Variants in FSTL4 observed in about 807,000 individuals in gnomAD.
The protein encoded by FSTL4 is follistatin-related protein 4.
A neutral mutation model predicts 78.2 loss-of-function variants in FSTL4; 28 were observed. The observed-to-expected ratio is 0.36, with a 90% CI of 0.27 to 0.49. The LOEUF is 0.49. Among genes scored for constraint, FSTL4 ranks in the 20% least tolerant of loss-of-function variants. The pLI is 0.98. For missense variants in FSTL4, 922 were observed against 1,084.9 expected (o/e 0.85, Z 2.11); for synonymous variants, 422 against 440.5 (o/e 0.96, Z 0.53).
intron 3 of FSTL4, among the ~76,000 whole-genome samples, chr5:133,494,761 A>G (rs1408446930): frequency 6.6e-6 from 1 of 152,234 alleles, no homozygotes. Context: ...ATTTAACAGA[A>G]GAGGGCCTGT....
At chr5:133,716,980 T>C in the FSTL4 span, among the ~76,000 whole-genome samples, 1 of 152,240 alleles carries the variant, frequency 6.6e-6, no homozygotes. Context: ...AAATCCCTTA[T>C]CTGGTTCCTA....
chr5:133,708,248 C>T, the FSTL4 span, among the ~76,000 whole-genome samples: 6 of 152,178 alleles, frequency 3.9e-5, no homozygotes, highest in African/African-American at 1.4e-4. Flanking sequence ...CGTCCAGTTG[C>T]CTCCTTCTCT....
chr5:133,215,548 A>G (rs1338801946), intron 13 of FSTL4, among the ~76,000 whole-genome samples: 1 of 152,002 alleles, frequency 6.6e-6, no homozygotes, highest in East Asian at 1.9e-4. Context: ...TTAAACTTAA[A>G]TCACCCCCCA....
At chr5:133,662,527 C>T in the FSTL4 span, among the ~76,000 whole-genome samples, 1 of 151,284 alleles carries the variant, frequency 6.6e-6, no homozygotes, top group African/African-American at 2.4e-5. Context: ...GTTGTCCCTG[C>T]CAAAATGTTT....
chr5:133,305,878 A>T (rs780550635), intron 6 of FSTL4, among the ~76,000 whole-genome samples: 1 of 152,136 alleles, frequency 6.6e-6, no homozygotes, highest in Non-Finnish European at 1.5e-5. Flanking sequence ...ACTCCACGCC[A>T]AGTGTACAGA....
the FSTL4 span, among the ~76,000 whole-genome samples, chr5:133,723,274 C>A: frequency 2.0e-5 from 3 of 152,122 alleles, no homozygotes; most frequent in Non-Finnish European, 4.4e-5. Flanking sequence ...TAGTTTTCAC[C>A]CCAGGGCAGG....
intron 4 of FSTL4, among the ~76,000 whole-genome samples, chr5:133,388,744 T>C (rs1244153641): frequency 6.6e-6 from 1 of 152,166 alleles, no homozygotes; most frequent in Non-Finnish European, 1.5e-5. Flanking sequence ...TCTTTGCTTA[T>C]TGTGTCCATT....
chr5:133,388,682 T>C (rs887063850), intron 4 of FSTL4: 1 of 152,170 alleles, frequency 6.6e-6, no homozygotes, highest in East Asian at 1.9e-4. Flanking sequence ...CAATTATATT[T>C]TGACTTATTT....
chr5:133,253,911 G>A (rs939411178), intron 6 of FSTL4, among the ~76,000 whole-genome samples: 5 of 152,172 alleles, frequency 3.3e-5, no homozygotes, highest in Non-Finnish European at 7.3e-5. Context: ...ACCTCAGCGT[G>A]GGCCTGCTTG....
intron 3 of FSTL4, among the ~76,000 whole-genome samples, chr5:133,529,409 C>T (rs1263206282): frequency 6.6e-6 from 1 of 152,108 alleles, no homozygotes; most frequent in Non-Finnish European, 1.5e-5. Flanking sequence ...AAAAACCAAC[C>T]CAGACACAAA....
intron 4 of FSTL4, among the ~76,000 whole-genome samples, chr5:133,391,349 C>T (rs749153901): frequency 5.3e-5 from 8 of 152,162 alleles, no homozygotes; most frequent in Admixed American, 1.3e-4. Flanking sequence ...TGAAACCTCT[C>T]GAGTGTTGGG....
chr5:133,690,262 A>T, the FSTL4 span, among the ~76,000 whole-genome samples: 1 of 151,992 alleles, frequency 6.6e-6, no homozygotes, highest in Non-Finnish European at 1.5e-5. Context: ...TCTAGTCCCC[A>T]CCTCCAAAAG....
the FSTL4 span, among the ~76,000 whole-genome samples, chr5:133,637,878 G>A: frequency 2.6e-5 from 4 of 150,988 alleles, no homozygotes; most frequent in Non-Finnish European, 5.9e-5. Context: ...GACTTAATGG[G>A]CTCCAGTCAC....
the FSTL4 span, among the ~76,000 whole-genome samples, chr5:133,794,115 G>A: frequency 6.6e-6 from 1 of 151,868 alleles, no homozygotes; most frequent in South Asian, 2.1e-4. Flanking sequence ...CTGGAGCTCC[G>A]GGCTCTGCAG....
the FSTL4 span, among the ~76,000 whole-genome samples, chr5:133,840,916 C>T: frequency 4.6e-5 from 7 of 152,260 alleles, no homozygotes; most frequent in Admixed American, 3.9e-4. Flanking sequence ...ACTTGCTGTG[C>T]AGGTTTGTGT....
At chr5:133,397,576 G>A (rs937374129) in intron 4 of FSTL4, among the ~76,000 whole-genome samples, 5 of 152,208 alleles carry the variant, frequency 3.3e-5, no homozygotes, top group African/African-American at 1.2e-4. Context: ...TTAGAATGCT[G>A]CCTCTTCTCC....
the FSTL4 span, among the ~76,000 whole-genome samples, chr5:133,757,619 CG>C: frequency 6.6e-6 from 1 of 152,056 alleles, no homozygotes; most frequent in Non-Finnish European, 1.5e-5. Context: ...ATGGAGCACT[CG>C]GCATGGTGGG....
At chr5:133,794,998 G>C in the FSTL4 span, among the ~76,000 whole-genome samples, 1 of 152,170 alleles carries the variant, frequency 6.6e-6, no homozygotes, top group Non-Finnish European at 1.5e-5. Flanking sequence ...CTGGTGCCTT[G>C]ACAAAAAGGT....
chr5:133,606,251 G>A (rs1433415937), intron 1 of FSTL4, among the ~76,000 whole-genome samples: 1 of 152,176 alleles, frequency 6.6e-6, no homozygotes, highest in African/African-American at 2.4e-5. Flanking sequence ...CTCCCGAGTA[G>A]CTGGGATGAC....
Sources: gnomAD v4.1 joint callset for allele counts (sites outside exome capture counted in the v4.1 genomes callset) on GRCh38, gnomAD v4.1.1 for gene constraint, MANE v1.5 for transcripts, NCBI Gene and HGNC (gene_info 2026-07-23, HGNC 2026-07-21) for gene names.